FHIT: variants seen among roughly 807,000 people sequenced by gnomAD.
The protein encoded by FHIT is fragile histidine triad diadenosine triphosphatase.
FHIT carries 19 observed loss-of-function variants against 17.9 expected under a neutral mutation model. The ratio of observed to expected loss-of-function variants is 1.06; its 90% confidence interval spans 0.74 to 1.56. The LOEUF (loss-of-function observed/expected upper bound fraction) is 1.56. Ranked by LOEUF, FHIT falls within the 40% of genes most tolerant of loss-of-function variation. The pLI, the probability that FHIT is intolerant of heterozygous loss-of-function variation, is 0.00. For synonymous variants in FHIT, 81 were observed against 69.7 expected (o/e 1.16, Z -0.81); for missense variants, 248 against 189.2 (o/e 1.31, Z -1.82).
At chr3:60,873,149 G>A (rs538834223) in intron 3 of FHIT, among the ~76,000 whole-genome samples, 4 of 151,928 alleles carry the variant, frequency 2.6e-5, no homozygotes, top group Admixed American at 1.3e-4. Flanking sequence ...GAGAGAGAGA[G>A]AGAGAGAGAG....
At chr3:60,603,452 A>G (rs2038507144) in intron 4 of FHIT, among the ~76,000 whole-genome samples, 1 of 151,476 alleles carries the variant, frequency 6.6e-6, no homozygotes, top group East Asian at 2.0e-4. Context: ...CTATCTGTAC[A>G]TGTGTATTAA....
intron 5 of FHIT, among the ~76,000 whole-genome samples, chr3:60,159,722 T>C (rs1384270247): frequency 6.6e-6 from 1 of 152,166 alleles, no homozygotes; most frequent in Non-Finnish European, 1.5e-5. Context: ...GCTAGAATTA[T>C]CCCCAGTTCA....
At chr3:59,907,118 A>G (rs369175567) in intron 8 of FHIT, among the ~76,000 whole-genome samples, 3 of 152,342 alleles carry the variant, frequency 2.0e-5, no homozygotes, top group African/African-American at 7.2e-5. Context: ...GGAACTGCCC[A>G]TAGTCTCATT....
chr3:59,836,105 G>A (rs1701330227), intron 8 of FHIT, among the ~76,000 whole-genome samples: 1 of 152,120 alleles, frequency 6.6e-6, no homozygotes, highest in South Asian at 2.1e-4. Context: ...CTCCCCATGA[G>A]TTTACAAAGA....
chr3:60,472,199 T>C (rs1019564900), intron 5 of FHIT, among the ~76,000 whole-genome samples: 2 of 151,722 alleles, frequency 1.3e-5, no homozygotes, highest in Non-Finnish European at 2.9e-5. Context: ...AGGAAAGATA[T>C]ATATTTAAGA....
intron 7 of FHIT, among the ~76,000 whole-genome samples, chr3:59,997,838 C>T (rs1239869032): frequency 6.6e-6 from 1 of 152,134 alleles, no homozygotes. Flanking sequence ...TTATAAGGCT[C>T]AGGAGACAGT....
At chr3:60,415,103 A>AC (rs1473751201) in intron 5 of FHIT, among the ~76,000 whole-genome samples, 4 of 152,124 alleles carry the variant, frequency 2.6e-5, no homozygotes, top group Admixed American at 1.3e-4. Flanking sequence ...TAGATTAAGG[A>AC]CCACAGTTTG....
intron 4 of FHIT, among the ~76,000 whole-genome samples, chr3:60,582,447 C>T (rs78130434): frequency 0.12 from 18,205 of 152,036 alleles, 1,703 homozygotes; most frequent in East Asian, 0.38. Context: ...GTCTGAACTA[C>T]GAAAATCATT....
At chr3:60,985,502 T>A (rs373953540) in intron 3 of FHIT, among the ~76,000 whole-genome samples, 21 of 152,094 alleles carry the variant, frequency 1.4e-4, no homozygotes, top group Non-Finnish European at 2.6e-4. Flanking sequence ...GTGACAAACA[T>A]ACAGTGATTG....
chr3:60,665,691 C>T (rs544818546), intron 4 of FHIT, among the ~76,000 whole-genome samples: 6 of 152,120 alleles, frequency 3.9e-5, no homozygotes, highest in East Asian at 3.9e-4. Flanking sequence ...TTCTTGTAGG[C>T]AGCATACAGT....
intron 8 of FHIT, among the ~76,000 whole-genome samples, chr3:59,895,016 G>A (rs1559706850): frequency 6.6e-6 from 1 of 152,310 alleles, no homozygotes; most frequent in East Asian, 1.9e-4. Flanking sequence ...GTTCTCAACT[G>A]GTGACAATTT....
intron 4 of FHIT, among the ~76,000 whole-genome samples, chr3:60,640,739 G>T (rs1335724835): frequency 2.6e-5 from 4 of 152,004 alleles, no homozygotes; most frequent in African/African-American, 9.7e-5. Context: ...AATCAAACAT[G>T]GACTATTTAT....
intron 2 of FHIT, among the ~76,000 whole-genome samples, chr3:61,132,967 T>A (rs2036808786): frequency 6.6e-6 from 1 of 152,092 alleles, no homozygotes; most frequent in Admixed American, 6.5e-5. Flanking sequence ...TGGCCCAGGA[T>A]GAGAACAGAA....
chr3:60,648,811 GCCAGAGACT>G (rs558266258), intron 4 of FHIT, among the ~76,000 whole-genome samples: 24 of 152,266 alleles, frequency 1.6e-4, no homozygotes, highest in Admixed American at 1.4e-3. Context: ...CCTGCCTTAA[GCCAGAGACT>G]CCCTTCTCAG....
chr3:60,357,634 C>T (rs1284733442), intron 5 of FHIT, among the ~76,000 whole-genome samples: 4 of 152,116 alleles, frequency 2.6e-5, no homozygotes, highest in African/African-American at 4.8e-5. Flanking sequence ...GACATCAACC[C>T]TAACTCAAAG....
At chr3:60,806,986 C>T (rs1553734472) in intron 4 of FHIT, among the ~76,000 whole-genome samples, 1 of 152,174 alleles carries the variant, frequency 6.6e-6, no homozygotes, top group African/African-American at 2.4e-5. Context: ...CCATGACTTA[C>T]CAATTTGTCT....
intron 5 of FHIT, among the ~76,000 whole-genome samples, chr3:60,305,947 T>C (rs1708650944): frequency 6.6e-6 from 1 of 152,204 alleles, no homozygotes; most frequent in South Asian, 2.1e-4. Context: ...ACTTACATTC[T>C]ACCTTAATTC....
At chr3:61,177,032 C>T (rs1477190466) in intron 2 of FHIT, among the ~76,000 whole-genome samples, 3 of 152,098 alleles carry the variant, frequency 2.0e-5, no homozygotes, top group African/African-American at 7.2e-5. Context: ...AATAAATTAG[C>T]CAGGCATGGC....
At chr3:60,679,712 A>G (rs1168752442) in intron 4 of FHIT, among the ~76,000 whole-genome samples, 6 of 152,136 alleles carry the variant, frequency 3.9e-5, no homozygotes, top group African/African-American at 1.4e-4. Flanking sequence ...AAAGATTTCT[A>G]TAAATGAGAT....
Sources: allele counts gnomAD v4.1 joint callset (sites outside exome capture counted in the v4.1 genomes callset), GRCh38; gene constraint gnomAD v4.1.1; transcripts MANE v1.5; gene names NCBI Gene and HGNC (gene_info 2026-07-23, HGNC 2026-07-21).